Variants in NME7 observed in about 807,000 individuals in gnomAD.
The protein encoded by NME7 is nucleoside diphosphate kinase 7.
NME7 carries 41 observed loss-of-function variants against 49.1 expected under a neutral mutation model. The ratio of observed to expected loss-of-function variants is 0.83; its 90% CI spans 0.65 to 1.08. NME7 has a LOEUF of 1.08. Among genes scored for constraint, NME7 ranks in the 50% least tolerant of loss-of-function variants. The pLI is 0.00. For synonymous variants in NME7, 139 were observed against 150.6 expected (o/e 0.92, Z 0.56); for missense variants, 423 against 463.4 (o/e 0.91, Z 0.80).
At chr1:169,187,503 CCTT>C (rs1660100264) in intron 10 of NME7, among the ~76,000 whole-genome samples, 1 of 151,898 alleles carries the variant, frequency 6.6e-6, no homozygotes, top group South Asian at 2.1e-4. Context: ...TATGTAATAC[CCTT>C]CTTTGTCTTT....
intron 11 of NME7, among the ~76,000 whole-genome samples, chr1:169,138,825 T>C (rs1412439482): frequency 6.6e-6 from 1 of 152,230 alleles, no homozygotes. Flanking sequence ...TTTTAAAAGC[T>C]GGAAGGTAAT....
At chr1:169,187,879 T>A (rs942723639) in intron 10 of NME7, among the ~76,000 whole-genome samples, 1 of 152,230 alleles carries the variant, frequency 6.6e-6, no homozygotes, top group African/African-American at 2.4e-5. Context: ...TTGCAGTGGC[T>A]GGTACTGGTT....
At chr1:169,162,173 T>C (rs555522619) in intron 11 of NME7, among the ~76,000 whole-genome samples, 2 of 152,220 alleles carry the variant, frequency 1.3e-5, no homozygotes, top group East Asian at 3.9e-4. Context: ...CTTTGATCCT[T>C]TGGGGAGACT....
chr1:169,153,347 C>G (rs936074322), intron 11 of NME7, among the ~76,000 whole-genome samples: 4 of 152,162 alleles, frequency 2.6e-5, no homozygotes, highest in African/African-American at 9.7e-5. Flanking sequence ...TCTCCACAAT[C>G]TAGCTCTAAT....
chr1:169,203,352 G>A (rs57479005), intron 10 of NME7, among the ~76,000 whole-genome samples: 3,871 of 152,132 alleles, frequency 0.025, 141 homozygotes, highest in African/African-American at 0.086. Context: ...CTGTCAGAGA[G>A]CTTTCTTCTT....
At chr1:169,270,333 T>C (rs1649450850) in intron 7 of NME7, among the ~76,000 whole-genome samples, 1 of 133,566 alleles carries the variant, frequency 7.5e-6, no homozygotes. Context: ...AAAGCCACTC[T>C]CCCAGATTTG....
intron 10 of NME7, among the ~76,000 whole-genome samples, chr1:169,226,278 C>T (rs1229202848): frequency 2.0e-5 from 3 of 152,102 alleles, no homozygotes; most frequent in African/African-American, 7.2e-5. Context: ...CTATCTCTTC[C>T]TAGAGCTAGA....
At chr1:169,289,506 CAAAGCCAGGA>C (rs1377135252) in intron 6 of NME7, among the ~76,000 whole-genome samples, 2 of 151,878 alleles carry the variant, frequency 1.3e-5, no homozygotes, top group African/African-American at 4.9e-5. Flanking sequence ...TAGCAAGTGG[CAAAGCCAGGA>C]TTCAAATCCA....
At position 169,264,282 on chromosome 1, in the gene NME7, C is replaced by T. The variant is rs533443988; in HGVS notation, c.754+23021G>A. ...TTGAATATAAATGGGCTAAATGCCC[C>T]AATTAAAAGGCACAGAGTAGCAAGT... is the stretch of plus-strand genomic sequence containing the variant. On this transcript the variant is annotated intron_variant, in intron 7 of 11. Transcript: ENST00000367811. Among the ~76,000 whole-genome samples the T allele has an allele frequency of 1.5e-5, 2 of 133,888 alleles. 1 individual carries two copies. The highest frequency in any genetic ancestry group is 5.0e-5 in the African/African-American group (2 of 39,608). The allele number at this position is 133,888 out of a possible 152,430, so 87.8% of individuals were successfully genotyped here.
intron 2 of NME7, 129 bp downstream of exon 2, chr1:169,324,264 G>C (rs1267942319): frequency 2.1e-6 from 1 of 487,358 alleles, no homozygotes; most frequent in Non-Finnish European, 3.7e-6. Flanking sequence ...AGTTTAAAAA[G>C]AATTTCCATA....
At chr1:169,240,828 G>C (rs1421852720) in intron 7 of NME7, among the ~76,000 whole-genome samples, 1 of 152,188 alleles carries the variant, frequency 6.6e-6, no homozygotes, top group South Asian at 2.1e-4. Flanking sequence ...ACTGAAAGTG[G>C]TGAATACAGT....
chr1:169,162,670 C>G (rs1287022014), intron 11 of NME7, among the ~76,000 whole-genome samples: 2 of 151,894 alleles, frequency 1.3e-5, no homozygotes, highest in Non-Finnish European at 2.9e-5. Context: ...ACGATGAGAC[C>G]CCATCTTTAC....
chr1:169,180,993 T>C (rs561892671), intron 10 of NME7, among the ~76,000 whole-genome samples: 5 of 152,248 alleles, frequency 3.3e-5, no homozygotes, highest in Middle Eastern at 6.8e-3. Flanking sequence ...AGCAACATTC[T>C]ACATTAAGGG....
At chr1:169,226,398 G>A (rs536977584) in intron 10 of NME7, among the ~76,000 whole-genome samples, 2 of 152,234 alleles carry the variant, frequency 1.3e-5, no homozygotes, top group South Asian at 2.1e-4. Flanking sequence ...ATTTGTTGGC[G>A]AGGTGGAGAG....
intron 6 of NME7, among the ~76,000 whole-genome samples, chr1:169,294,956 C>T (rs563367556): frequency 7.2e-5 from 11 of 152,168 alleles, no homozygotes; most frequent in Admixed American, 4.6e-4. Flanking sequence ...TTAATGCCCT[C>T]CCTCCAAGGT....
At chr1:169,194,520 G>A (rs1660317889) in intron 10 of NME7, among the ~76,000 whole-genome samples, 1 of 152,122 alleles carries the variant, frequency 6.6e-6, no homozygotes, top group African/African-American at 2.4e-5. Context: ...CCTTTACAAG[G>A]AAATTAATTT....
At chr1:169,268,041 G>A (rs1649372720) in intron 7 of NME7, among the ~76,000 whole-genome samples, 1 of 133,252 alleles carries the variant, frequency 7.5e-6, no homozygotes, top group African/African-American at 2.5e-5. Context: ...CTATACGTCT[G>A]ACAGAGGTCT....
intron 1 of NME7, among the ~76,000 whole-genome samples, chr1:169,353,504 C>T (rs568352936): frequency 6.6e-6 from 1 of 152,064 alleles, no homozygotes; most frequent in East Asian, 1.9e-4. Flanking sequence ...AATTTCTTGA[C>T]CACCACCACA....
chr1:169,225,034 G>A (rs1359231051), intron 10 of NME7, among the ~76,000 whole-genome samples: 1 of 152,290 alleles, frequency 6.6e-6, no homozygotes, highest in South Asian at 2.1e-4. Context: ...GACAATAAGA[G>A]AAGGATATAG....
Sources: gnomAD v4.1 joint callset for allele counts (sites outside exome capture counted in the v4.1 genomes callset) on GRCh38, gnomAD v4.1.1 for gene constraint, MANE v1.5 for transcripts, NCBI Gene and HGNC (gene_info 2026-07-23, HGNC 2026-07-21) for gene names.